The following RABGGTB variants were observed in gnomAD, a reference collection of about 807,000 sequenced individuals.
The protein encoded by RABGGTB is geranylgeranyl transferase type-2 subunit beta.
A neutral mutation model predicts 44.5 loss-of-function variants in RABGGTB; 20 were observed. That is an observed-to-expected ratio of 0.45 (90% confidence interval 0.32 to 0.65). The LOEUF (loss-of-function observed/expected upper bound fraction) is 0.65. Ranked by LOEUF, RABGGTB falls within the 30% of genes least tolerant of loss-of-function variation. The pLI is 0.05. For missense variants in RABGGTB, 302 were observed against 398.7 expected (o/e 0.76, Z 2.06); for synonymous variants, 128 against 136.7 (o/e 0.94, Z 0.44).
chr1:75,789,451 T>C (rs41291512), intron 3 of RABGGTB, 95 bp downstream of exon 3: 9 of 1,271,738 alleles, frequency 7.1e-6, no homozygotes, highest in Non-Finnish European at 9.2e-6. Context: ...TCAAAAAGTT[T>C]TGTTACAAGT....
rs571074474 is a variant in RABGGTB, at chr1:75,787,029, G to A, written c.4-468G>A. On this transcript the variant is annotated intron_variant, in intron 1 of 8. Coordinates refer to ENST00000319942, the MANE Select transcript of RABGGTB (RefSeq NM_004582.4). ...GTGTTTATTTTTTACTTATCTTTTT[G>A]AATGAAAAGTGAACAACAAGAAATG... The A allele has an allele frequency of 3.9e-5, 20 of 506,652 alleles. No individual in the cohort carries two copies. In the East Asian group the frequency reaches 1.1e-3, roughly 28 times the overall value. 31.4% of individuals were successfully genotyped at this position (506,652 alleles called of 1,614,324 possible). A position where few individuals can be genotyped will look rare whatever the true frequency, so the allele number is the denominator to read the frequency against.
In RABGGTB at chr1:75,792,245, T is replaced by G. The variant is rs1649663609; in HGVS notation, c.644T>G (p.Leu215Arg). 1 of 1,614,044 alleles carries G rather than the reference T, an allele frequency of 6.2e-7. No homozygotes were observed. Among genetic ancestry groups the G allele is most frequent in the South Asian group, 1.1e-5 (1 of 91,084 alleles). ...TTGCATCAAGTAAATTCTGATTTAC[T>G]TGGCTGGTGGCTTTGTGAACGACAA... is the stretch of plus-strand genomic sequence containing the variant. ...SQLHQVNSDL[L>R]GWWLCERQLP... Residue 215 changes from leucine to arginine, a missense_variant, in exon 7 of 9, where the codon CTT becomes CGT. Leu to Arg is a moderately radical substitution (Grantham distance 102, BLOSUM62 -2). Around this residue, in one of 2 missense-constraint regions of RABGGTB, gnomAD observed 213 missense variants for 323.7 expected, o/e 0.66. Coordinates refer to ENST00000319942, the MANE Select transcript of RABGGTB (RefSeq NM_004582.4).
intron 1 of RABGGTB, chr1:75,787,098 T>G (rs928574186): frequency 1.9e-6 from 1 of 527,614 alleles, no homozygotes; most frequent in South Asian, 1.4e-5. Flanking sequence ...GCATGTATTC[T>G]GAATCTAAAG....
At chr1:75,787,847 A>C (rs1301883887) in intron 2 of RABGGTB, 1 of 698,706 alleles carries the variant, frequency 1.4e-6, no homozygotes, top group Non-Finnish European at 2.6e-6. Context: ...TTTGAGGTAC[A>C]AAACGGGTTT....
At chr1:75,786,252 C>T (rs750314878), upstream of RABGGTB, 4 of 1,614,066 alleles carry the variant, frequency 2.5e-6, no homozygotes, top group Non-Finnish European at 3.4e-6. Context: ...TGACCCTGCT[C>T]TCTCCTTTCC....
chr1:75,786,955 ACATGTAAAC>A, intron 1 of RABGGTB: 1 of 376,204 alleles, frequency 2.7e-6, no homozygotes, highest in South Asian at 1.9e-5. Flanking sequence ...GCTTTCTGCC[ACATGTAAAC>A]CGTAAGTTGT....
chr1:75,786,384 T>C, intron 1 of RABGGTB, 110 bp downstream of exon 1: 2 of 1,468,926 alleles, frequency 1.4e-6, no homozygotes, highest in Non-Finnish European at 9.5e-7. Context: ...TGGAGAATGG[T>C]TAGGACACAG....
Position 75,794,180 on chromosome 1 carries a change from T to G in RABGGTB, c.802T>G (p.Leu268Val), listed in dbSNP as rs765231299. Reference protein sequence around the residue: ...IDREKLRNFILACQDEETGGF... With the variant: ...IDREKLRNFIVACQDEETGGF... Reference sequence around the variant, plus strand: ...TAGAGAGAAACTGCGTAATTTCATTTTAGCATGTCAAGATGAAGAAACGGG... The same window carrying G: ...TAGAGAGAAACTGCGTAATTTCATTGTAGCATGTCAAGATGAAGAAACGGG... Residue 268 changes from leucine (L) to valine (V), a missense_variant, in exon 8 of 9, where the codon TTA (leucine) becomes GTA (valine). By Grantham distance (32) the Leu-to-Val change is conservative. Transcript: ENST00000319942. 1 of 1,613,858 alleles carries G rather than the reference T, an allele frequency of 6.2e-7. No individual in the cohort carries two copies. Among genetic ancestry groups the G allele is most frequent in the Non-Finnish European group, 8.5e-7 (1 of 1,179,794 alleles).
chr1:75,792,987 T>C (rs940636774), intron 7 of RABGGTB, among the ~76,000 whole-genome samples: 3 of 152,158 alleles, frequency 2.0e-5, no homozygotes, highest in Non-Finnish European at 4.4e-5. Context: ...CTAATTTTTG[T>C]ATTTTTATTA....
chr1:75,788,239 T>C (rs2100483954), intron 2 of RABGGTB: 1 of 187,262 alleles, frequency 5.3e-6, no homozygotes, highest in South Asian at 9.8e-5. Context: ...CTTTATCTGC[T>C]ATCTATCTTT....
In RABGGTB at chr1:75,794,785, A is replaced by T. The variant is rs571011707; in HGVS notation, c.*135A>T. ...TTAAATTAATTTTAATAAATTATAT[A>T]ATTATACATATTGTAAAATAAAGAC... On this transcript the variant is annotated 3_prime_UTR_variant, in exon 9 of 9. Transcript: ENST00000319942. 7.4e-5 allele frequency: 42 copies of T among 570,060 alleles called. No individual in the cohort carries two copies. The highest frequency in any genetic ancestry group is 6.1e-4 in the Middle Eastern group (1 of 1,634). 35.3% of individuals were successfully genotyped at this position (570,060 alleles called of 1,614,324 possible).
At chr1:75,788,302 ACTT>A (rs1018702998) in intron 2 of RABGGTB, 9 of 168,616 alleles carry the variant, frequency 5.3e-5, no homozygotes, top group Admixed American at 2.9e-4. Context: ...TGTTAAAAAA[ACTT>A]CTTTTTTTCC....
chr1:75,786,310 T>G, intron 1 of RABGGTB, 36 bp downstream of exon 1: 1 of 1,613,746 alleles, frequency 6.2e-7, no homozygotes, highest in South Asian at 1.1e-5. Context: ...CCGGATGGGT[T>G]GGTAGCAGAC....
Position 75,792,162 on chromosome 1 carries a change from T to C in RABGGTB, c.580-19T>C. Reference sequence around the variant, plus strand: ...TCAAGAAATTATTATACACATAAACTTTATGTCTGTAATTTTAGATCTATT... The same window carrying C: ...TCAAGAAATTATTATACACATAAACCTTATGTCTGTAATTTTAGATCTATT... On this transcript the variant is annotated intron_variant, in intron 6 of 8. Transcript: ENST00000319942. 1 of 1,586,848 alleles carries C rather than the reference T, an allele frequency of 6.3e-7. No homozygotes were observed. The highest frequency in any genetic ancestry group is 2.2e-5 in the East Asian group (1 of 44,626).
chr1:75,790,235 C>A (rs1649613714), intron 4 of RABGGTB, 178 bp downstream of exon 4: 1 of 1,341,438 alleles, frequency 7.5e-7, no homozygotes, highest in Non-Finnish European at 9.5e-7. Context: ...TCAGCATATA[C>A]AGGAGCACTG....
At chr1:75,787,732 T>C in intron 2 of RABGGTB, 128 bp downstream of exon 2, 1 of 761,122 alleles carries the variant, frequency 1.3e-6, no homozygotes. Context: ...GTGCTGTGCC[T>C]TTGAACTTCA....
chr1:75,794,309 G>T, intron 8 of RABGGTB, 76 bp downstream of exon 8: 1 of 1,495,318 alleles, frequency 6.7e-7, no homozygotes, highest in Non-Finnish European at 9.0e-7. Context: ...GGATTTCCAG[G>T]GTGGCATTCC....
In RABGGTB at chr1:75,794,853, C is replaced by G; in HGVS notation, c.*203C>G. Reference sequence around the variant, plus strand: ...CTTTTTATTCTGAAGTCCTGTTATTCTGACTACAGTTCTTTGTGTATACTT... The same window carrying G: ...CTTTTTATTCTGAAGTCCTGTTATTGTGACTACAGTTCTTTGTGTATACTT... On this transcript the variant is annotated 3_prime_UTR_variant, in exon 9 of 9. Transcript: ENST00000319942. 1 of 256,430 alleles carries G rather than the reference C, an allele frequency of 3.9e-6. No homozygotes were observed. Among genetic ancestry groups the G allele is most frequent in the Non-Finnish European group, 6.9e-6 (1 of 144,408 alleles). The allele number at this position is 256,430 out of a possible 1,614,324, so 15.9% of individuals were successfully genotyped here.
Position 75,792,299 on chromosome 1 carries a change from C to G in RABGGTB, c.698C>G (p.Pro233Arg). The change falls in exon 7 of 9, where the codon CCG becomes CGG. Residue 233 changes from proline to arginine, a missense_variant. Transcript: ENST00000319942. ...CCCTCAGGCGGGCTCAATGGAAGGCCGGAGAAGGTATTGTTTGATAAGCCA... is the reference window on the plus strand; with the variant it reads ...CCCTCAGGCGGGCTCAATGGAAGGCGGGAGAAGGTATTGTTTGATAAGCCA... ...QLPSGGLNGRPEKLPDVCYSW... is the reference protein window; with the variant it reads ...QLPSGGLNGRREKLPDVCYSW... The G allele has an allele frequency of 1.2e-6, 2 of 1,613,588 alleles. No individual in the cohort carries two copies. Among genetic ancestry groups the G allele is most frequent in the Non-Finnish European group, 1.7e-6 (2 of 1,179,658 alleles).
Sources: gnomAD v4.1 joint callset for allele counts (sites outside exome capture counted in the v4.1 genomes callset) on GRCh38, gnomAD v4.1.1 for gene constraint, gnomAD v4.1.1 regional missense constraint, MANE v1.5 for transcripts, NCBI Gene and HGNC (gene_info 2026-07-23, HGNC 2026-07-21) for gene names.